The following KAZN variants were observed in gnomAD, a reference collection of about 807,000 sequenced individuals.
The protein encoded by KAZN is kazrin.
In KAZN, 40 loss-of-function variants were observed where a neutral mutation model predicts 87.4. That is an observed-to-expected ratio of 0.46 (90% confidence interval 0.36 to 0.60). The LOEUF (loss-of-function observed/expected upper bound fraction) is 0.60. KAZN is among the 20% of genes least tolerant of loss of function. KAZN has a pLI of 0.00. For missense variants in KAZN, 898 were observed against 1,073.9 expected (o/e 0.84, Z 2.29); for synonymous variants, 466 against 458.3 (o/e 1.02, Z -0.22).
intron 3 of KAZN, among the ~76,000 whole-genome samples, chr1:15,043,247 C>A (rs1272268189): frequency 6.6e-6 from 1 of 152,222 alleles, no homozygotes; most frequent in African/African-American, 2.4e-5. Flanking sequence ...TTACTGTTGA[C>A]CCTGTTTCCC....
chr1:14,928,659 G>C (rs1166071126), intron 1 of KAZN, among the ~76,000 whole-genome samples: 1 of 152,184 alleles, frequency 6.6e-6, no homozygotes, highest in Non-Finnish European at 1.5e-5. Flanking sequence ...GCTGGGACTG[G>C]ATGAGATGCA....
chr1:14,059,852 C>T (rs915582063), intron 1 of KAZN, among the ~76,000 whole-genome samples: 4 of 152,178 alleles, frequency 2.6e-5, no homozygotes, highest in Non-Finnish European at 5.9e-5. Context: ...CATCTCGTAA[C>T]ACTTTCTAAA....
At chr1:14,272,993 T>G (rs1652069354) in intron 2 of KAZN, among the ~76,000 whole-genome samples, 1 of 152,180 alleles carries the variant, frequency 6.6e-6, no homozygotes, top group Non-Finnish European at 1.5e-5. Flanking sequence ...CTGTTTCATT[T>G]CACAAGTAGA....
intron 1 of KAZN, among the ~76,000 whole-genome samples, chr1:14,152,246 G>A (rs74833865): frequency 0.061 from 9,251 of 152,018 alleles, 939 homozygotes; most frequent in African/African-American, 0.21. Context: ...TCATCCTGTT[G>A]TGCTAGCAAA....
In KAZN at chr1:14,802,918, C is replaced by G. The variant is rs1255655587; in HGVS notation, c.227-157766C>G. 2.0e-5 allele frequency among the ~76,000 whole-genome samples: 3 copies of G among 152,140 alleles called. No homozygotes were observed. The East Asian group carries it at 5.8e-4, about 29-fold the overall frequency. ...GCATTGGCTTGAATGCTGGCCCTGT[C>G]CCCAACCCACAGAGGGGCTGAGGAA... On this transcript the variant is annotated intron_variant, in intron 1 of 14. Coordinates refer to ENST00000376030, the MANE Select transcript of KAZN (RefSeq NM_201628.3).
intron 2 of KAZN, among the ~76,000 whole-genome samples, chr1:14,413,619 A>C (rs12744361): frequency 0.013 from 1,807 of 140,488 alleles, 61 homozygotes; most frequent in African/African-American, 0.044. Flanking sequence ...AAAAAAAAAA[A>C]CGCATTTAAG....
At chr1:13,931,526 A>G (rs12034544) in intron 1 of KAZN, among the ~76,000 whole-genome samples, 2,384 of 152,106 alleles carry the variant, frequency 0.016, 58 homozygotes, top group African/African-American at 0.053. Flanking sequence ...TTCTTGAAAG[A>G]TGCTGAGTTG....
chr1:15,055,703 G>T (rs1455831935), intron 4 of KAZN, among the ~76,000 whole-genome samples: 1 of 152,150 alleles, frequency 6.6e-6, no homozygotes, highest in Non-Finnish European at 1.5e-5. Context: ...TATAAGATGG[G>T]GAGACCAAGA....
chr1:15,040,492 A>C (rs1372687853), intron 3 of KAZN, among the ~76,000 whole-genome samples: 7 of 152,226 alleles, frequency 4.6e-5, no homozygotes, highest in Admixed American at 1.3e-4. Flanking sequence ...ATGACCCAGC[A>C]TGGTGGCTCA....
At chr1:14,859,213 A>C (rs1034500921) in intron 1 of KAZN, among the ~76,000 whole-genome samples, 2 of 150,740 alleles carry the variant, frequency 1.3e-5, no homozygotes, top group Non-Finnish European at 3.0e-5. Flanking sequence ...CCCGTCTCAA[A>C]AAAAAAAAAA....
At chr1:14,656,282 C>G (rs1638786015) in intron 1 of KAZN, among the ~76,000 whole-genome samples, 1 of 152,154 alleles carries the variant, frequency 6.6e-6, no homozygotes, top group Non-Finnish European at 1.5e-5. Flanking sequence ...CCACTTATCC[C>G]AATTTGCTTG....
rs532499687 is a variant in KAZN, at chr1:14,386,600, G to A, written c.249+206008G>A. Among the ~76,000 whole-genome samples the A allele has an allele frequency of 5.4e-3, 820 of 151,982 alleles. 9 individuals carry two copies. Among genetic ancestry groups the A allele is most frequent in the African/African-American group, 0.019 (769 of 41,422 alleles). On this transcript the variant is annotated intron_variant, in intron 2 of 16. Coordinates refer to the KAZN transcript ENST00000636203. The stretch of plus-strand genomic sequence containing the variant: ...CTTAGTTTGGCTGGATATGAAATTC[G>A]GGGTGGAAAATTCTTTTCTTTAAGA...
At chr1:15,003,568 C>T (rs934595037) in intron 2 of KAZN, among the ~76,000 whole-genome samples, 4 of 152,150 alleles carry the variant, frequency 2.6e-5, no homozygotes, top group Non-Finnish European at 4.4e-5. Context: ...TCTATTTTGC[C>T]CACTGGGTTT....
chr1:14,040,489 C>T (rs539242413), intron 1 of KAZN, among the ~76,000 whole-genome samples: 23 of 152,254 alleles, frequency 1.5e-4, no homozygotes, highest in African/African-American at 5.3e-4. Flanking sequence ...AGGCTGGGCA[C>T]GGTGGCTCAT....
At chr1:14,546,819 T>G (rs1673176368) in intron 2 of KAZN, among the ~76,000 whole-genome samples, 1 of 152,252 alleles carries the variant, frequency 6.6e-6, no homozygotes, top group Non-Finnish European at 1.5e-5. Context: ...GGAATTTTTT[T>G]TAAAGAAGCA....
chr1:14,406,025 A>G (rs78701441), intron 2 of KAZN, among the ~76,000 whole-genome samples: 1,677 of 152,294 alleles, frequency 0.011, 35 homozygotes, highest in African/African-American at 0.039. Flanking sequence ...AAGACCTACT[A>G]GTTGATAGCA....
chr1:14,967,703 G>A (rs1055836974), intron 2 of KAZN, among the ~76,000 whole-genome samples: 34 of 152,288 alleles, frequency 2.2e-4, no homozygotes, highest in African/African-American at 7.9e-4. Flanking sequence ...CACCGTTGCT[G>A]GCTTTGAAGA....
intron 1 of KAZN, among the ~76,000 whole-genome samples, chr1:13,923,443 G>T (rs1640141095): frequency 6.6e-6 from 1 of 151,642 alleles, no homozygotes; most frequent in Non-Finnish European, 1.5e-5. Flanking sequence ...CGTGGTGGCA[G>T]GTGCCTGTAG....
intron 1 of KAZN, among the ~76,000 whole-genome samples, chr1:14,901,241 A>G (rs1000753469): frequency 2.0e-5 from 3 of 152,220 alleles, no homozygotes; most frequent in African/African-American, 4.8e-5. Flanking sequence ...GGACGGGGAA[A>G]GAGCTCTCCA....
Sources: gnomAD v4.1 joint callset for allele counts (sites outside exome capture counted in the v4.1 genomes callset) on GRCh38, gnomAD v4.1.1 for gene constraint, MANE v1.5 for transcripts, NCBI Gene and HGNC (gene_info 2026-07-23, HGNC 2026-07-21) for gene names.